Variants in CYTH4 observed in about 807,000 individuals in gnomAD.
CYTH4 encodes the protein cytohesin 4, also known as cytohesin-4.
CYTH4 carries 22 observed loss-of-function variants against 57.5 expected under a neutral mutation model. The ratio of observed to expected loss-of-function variants is 0.38; its 90% confidence interval spans 0.27 to 0.55. CYTH4 has a LOEUF of 0.55. Among genes scored for constraint, CYTH4 ranks in the 20% least tolerant of loss-of-function variants. The probability of loss-of-function intolerance (pLI) is 0.74; values close to 1 mark genes in which losing one functional copy is unlikely to be tolerated. For missense variants in CYTH4, 420 were observed against 535.6 expected (o/e 0.78, Z 2.13); for synonymous variants, 186 against 206.5 (o/e 0.90, Z 0.85).
At chr22:37,296,355 C>G in intron 4 of CYTH4, 1 of 442,388 alleles carries the variant, frequency 2.3e-6, no homozygotes, top group Non-Finnish European at 4.1e-6. Context: ...ATTTCCTTCT[C>G]CATGAATGTG....
In CYTH4 at chr22:37,298,440, G is replaced by A; in HGVS notation, c.353+758G>A. On this transcript the variant is annotated intron_variant, in intron 5 of 12. Coordinates refer to ENST00000248901, the MANE Select transcript of CYTH4 (RefSeq NM_013385.5). The surrounding 1 kb of genome is among the most constrained non-coding windows in gnomAD (Gnocchi z 4.1). Reference sequence around the variant, plus strand: ...TGCTGGGGACCATAGGTTGGGGGCTGTGATTTAGAATAGCGTGGACAGGAA... The same window carrying A: ...TGCTGGGGACCATAGGTTGGGGGCTATGATTTAGAATAGCGTGGACAGGAA... The A allele has an allele frequency of 6.3e-6, 1 of 159,564 alleles. No homozygotes were observed. The highest frequency in any genetic ancestry group is 1.4e-5 in the Non-Finnish European group (1 of 72,500). 9.9% of individuals were successfully genotyped at this position (159,564 alleles called of 1,614,324 possible).
chr22:37,295,468 G>A lies in CYTH4; in HGVS notation c.168-531G>A, dbSNP rs549606966. ...CAAGCATGCACACACACGAGTGGCCGTTTCTCCAGCTCCCCTGTTCCAGCC... is the reference window on the plus strand; with the variant it reads ...CAAGCATGCACACACACGAGTGGCCATTTCTCCAGCTCCCCTGTTCCAGCC... On this transcript the variant is annotated intron_variant, in intron 3 of 12. Coordinates refer to ENST00000248901, the MANE Select transcript of CYTH4 (RefSeq NM_013385.5). This position sits in a 1 kb window ranked among gnomAD's most constrained non-coding sequence, Gnocchi z 4.1. Among the ~76,000 whole-genome samples the A allele has an allele frequency of 1.6e-3, 246 of 151,934 alleles. No homozygotes were observed. The highest frequency in any genetic ancestry group is 5.5e-3 in the African/African-American group (229 of 41,334).
rs1201006478 is a variant in CYTH4, at chr22:37,295,378, G to GCA, written c.168-609_168-608dup. On this transcript the variant is annotated intron_variant, in intron 3 of 12. Coordinates refer to ENST00000248901, the MANE Select transcript of CYTH4 (RefSeq NM_013385.5). This position sits in a 1 kb window ranked among gnomAD's most constrained non-coding sequence, Gnocchi z 4.1. ...TCCTCCCCTCCCCCACCACACACATGCACACACACACACGCATGCACACAC... is the reference window on the plus strand; with the variant it reads ...TCCTCCCCTCCCCCACCACACACATGCACACACACACACACGCATGCACACAC... Among the ~76,000 whole-genome samples, 11 of 148,210 alleles carry GCA rather than the reference G, an allele frequency of 7.4e-5. No individual in the cohort carries two copies. The South Asian group carries it at 8.6e-4, about 12-fold the overall frequency.
At chr22:37,292,729 C>T (rs149034125) in intron 2 of CYTH4, 26 bp downstream of exon 2, 29 of 1,609,734 alleles carry the variant, frequency 1.8e-5, no homozygotes, top group Middle Eastern at 1.7e-4. Flanking sequence ...TGTCCACACA[C>T]GTGTCCATGC....
chr22:37,287,301 C>G (rs1928593696), intron 1 of CYTH4, among the ~76,000 whole-genome samples: 1 of 152,040 alleles, frequency 6.6e-6, no homozygotes, highest in Non-Finnish European at 1.5e-5. Context: ...GGAGCCCCAT[C>G]ACTCAATTCT....
chr22:37,294,251 G>A (rs1455930775), intron 2 of CYTH4, among the ~76,000 whole-genome samples: 4 of 142,248 alleles, frequency 2.8e-5, no homozygotes, highest in African/African-American at 7.9e-5. Context: ...GGGTGGAGGC[G>A]GGCAGGGTGG....
At chr22:37,286,869 T>C (rs55686008) in intron 1 of CYTH4, among the ~76,000 whole-genome samples, 2,266 of 151,996 alleles carry the variant, frequency 0.015, 25 homozygotes, top group Non-Finnish European at 0.017. Context: ...TGGACCAGAA[T>C]GGGTAGAAGA....
chr22:37,308,621 C>G (rs924640449), intron 8 of CYTH4, among the ~76,000 whole-genome samples: 3 of 150,540 alleles, frequency 2.0e-5, no homozygotes, highest in African/African-American at 7.4e-5. Flanking sequence ...TGTGCATAAG[C>G]ATGCATGTCT....
At position 37,311,703 on chromosome 22, in the gene CYTH4, G is replaced by A. The variant is rs926338960; in HGVS notation, c.957+176G>A. ...CCTGGGGCCATGGACAGTGAGAAAAGGTCAATGTGGGTCCAAGGACGTGGT... is the reference window on the plus strand; with the variant it reads ...CCTGGGGCCATGGACAGTGAGAAAAAGTCAATGTGGGTCCAAGGACGTGGT... On this transcript the variant is annotated intron_variant, in intron 11 of 12. Coordinates refer to ENST00000248901, the MANE Select transcript of CYTH4 (RefSeq NM_013385.5). The surrounding 1 kb of genome is among the most constrained non-coding windows in gnomAD (Gnocchi z 4.4). 1.5e-6 allele frequency: 1 copy of A among 687,876 alleles called. No homozygotes were observed. The highest frequency in any genetic ancestry group is 1.8e-5 in the African/African-American group (1 of 55,358). 42.6% of individuals were successfully genotyped at this position (687,876 alleles called of 1,614,324 possible).
rs1008263852 is a variant in CYTH4, at chr22:37,295,800, A to G, written c.168-199A>G. 6.6e-6 allele frequency among the ~76,000 whole-genome samples: 1 copy of G among 152,208 alleles called. No homozygotes were observed. Among genetic ancestry groups the G allele is most frequent in the East Asian group, 1.9e-4 (1 of 5,190 alleles). On this transcript the variant is annotated intron_variant, in intron 3 of 12. Coordinates refer to ENST00000248901, the MANE Select transcript of CYTH4 (RefSeq NM_013385.5). The surrounding 1 kb of genome is among the most constrained non-coding windows in gnomAD (Gnocchi z 4.1). ...AATGCCCGTGCTGGGCCCATCAGAGAAGTCAGCTGCAGAGCTCTGGGAGGA... is the reference window on the plus strand; with the variant it reads ...AATGCCCGTGCTGGGCCCATCAGAGGAGTCAGCTGCAGAGCTCTGGGAGGA...
At chr22:37,309,098 A>T in intron 8 of CYTH4, 114 bp from the exon 9 acceptor site, 1 of 772,046 alleles carries the variant, frequency 1.3e-6, no homozygotes, top group Non-Finnish European at 2.1e-6. Flanking sequence ...AGGTGAGGAA[A>T]GAGTATGCCT....
chr22:37,313,140 A>G (rs920169588), intron 12 of CYTH4, among the ~76,000 whole-genome samples: 1 of 152,190 alleles, frequency 6.6e-6, no homozygotes, highest in Non-Finnish European at 1.5e-5. Context: ...TCACCTTCCG[A>G]AGGTCGCCAG....
chr22:37,309,925 C>A, intron 9 of CYTH4: 2 of 446,682 alleles, frequency 4.5e-6, no homozygotes, highest in Non-Finnish European at 9.3e-6. Context: ...GCTGTAGAGT[C>A]CAGCAGGGCA....
chr22:37,308,950 C>T (rs1929530594), intron 8 of CYTH4, among the ~76,000 whole-genome samples: 1 of 151,988 alleles, frequency 6.6e-6, no homozygotes, highest in Non-Finnish European at 1.5e-5. Flanking sequence ...CCTGCTCGCT[C>T]TGCCCTGCAG....
At chr22:37,290,172 G>C (rs1025295434) in intron 1 of CYTH4, among the ~76,000 whole-genome samples, 1 of 152,124 alleles carries the variant, frequency 6.6e-6, no homozygotes, top group Non-Finnish European at 1.5e-5. Context: ...GCTGGACCTG[G>C]AAGGACTTCA....
rs371241819 is a variant in CYTH4 at position 37,284,686 on chromosome 22, A to G, written c.19+2098A>G. Among the ~76,000 whole-genome samples, 26 of 152,186 alleles carry G rather than the reference A, an allele frequency of 1.7e-4. No individual in the cohort carries two copies. In the East Asian group the frequency reaches 5.0e-3, roughly 29 times the overall value. On this transcript the variant is annotated intron_variant, in intron 1 of 12. Transcript: ENST00000248901. ...GCTCTGCACCACCCTGCCAGTGGTC[A>G]TGGTCTCTTCCTTCTATGGGCCTCA...
rs1032235933 is a variant in CYTH4 at position 37,300,855 on chromosome 22, G to A, written c.435-52G>A. ...GGGAGAGGCAGGGCAGCTTGTCTGG[G>A]GCCCGCGAGGGCCCACCCACTCCAC... On this transcript the variant is annotated intron_variant, in intron 6 of 12. Coordinates refer to ENST00000248901, the MANE Select transcript of CYTH4 (RefSeq NM_013385.5). 6.0e-6 allele frequency: 9 copies of A among 1,495,448 alleles called. No homozygotes were observed. In the African/African-American group the frequency reaches 6.9e-5, roughly 12 times the overall value. 92.6% of individuals were successfully genotyped at this position (1,495,448 alleles called of 1,614,324 possible).
Position 37,297,555 on chromosome 22 carries a change from C to T in CYTH4, c.235-9C>T. 1 of 1,612,276 alleles carries T rather than the reference C, an allele frequency of 6.2e-7. No individual in the cohort carries two copies. The highest frequency in any genetic ancestry group is 8.5e-7 in the Non-Finnish European group (1 of 1,178,746). On this transcript the variant is annotated splice_polypyrimidine_tract_variant and intron_variant, in intron 4 of 12. Transcript: ENST00000248901. ...GCAGCTGCTCACGGCTTCTGTGTAC[C>T]CCCTCCAGGGTATCCAGTATTTCAT...
Position 37,309,325 on chromosome 22 carries a change from TGAGAGACCGACA to T in CYTH4, c.808+5_808+16del. The T allele has an allele frequency of 6.2e-7, 1 of 1,613,606 alleles. No homozygotes were observed. Among genetic ancestry groups the T allele is most frequent in the Non-Finnish European group, 8.5e-7 (1 of 1,179,606 alleles). ...GGGAGGGTTGGCTGCTCAAGCTAGG[TGAGAGACCGACA>T]GACACACGTCGTCGCACACACACTC... On this transcript the variant is annotated splice_donor_5th_base_variant and intron_variant, in intron 9 of 12. Transcript: ENST00000248901.
Sources: allele counts gnomAD v4.1 joint callset (sites outside exome capture counted in the v4.1 genomes callset), GRCh38; gene constraint gnomAD v4.1.1; non-coding constraint Gnocchi (gnomAD v3.1); transcripts MANE v1.5; gene names NCBI Gene and HGNC (gene_info 2026-07-23, HGNC 2026-07-21).